The following DYM variants were observed in gnomAD, a reference collection of about 807,000 sequenced individuals.
The protein encoded by DYM is dymeclin.
A neutral mutation model predicts 93.1 loss-of-function variants in DYM; 78 were observed. That is an observed-to-expected ratio of 0.84 (90% CI 0.70 to 1.01). The LOEUF (loss-of-function observed/expected upper bound fraction) is 1.01, where lower values mean the gene tolerates loss of function less well. DYM is among the 50% of genes least tolerant of loss of function. DYM has a pLI of 0.00. For missense variants in DYM, 789 were observed against 845.0 expected (o/e 0.93, Z 0.82); for synonymous variants, 321 against 319.7 (o/e 1.00, Z -0.04).
chr18:49,320,655 T>C (rs1203364097), intron 8 of DYM, among the ~76,000 whole-genome samples: 1 of 151,990 alleles, frequency 6.6e-6, no homozygotes, highest in African/African-American at 2.4e-5. Flanking sequence ...GTATTTTTAG[T>C]AGAGATGGGG....
intron 17 of DYM, among the ~76,000 whole-genome samples, chr18:49,044,830 T>G (rs989787917): frequency 6.6e-6 from 1 of 152,244 alleles, no homozygotes; most frequent in Non-Finnish European, 1.5e-5. Context: ...TCATGGAGTC[T>G]GGGAAAAGGC....
chr18:49,447,406 G>C (rs141611426), intron 1 of DYM: 3,101 of 152,386 alleles, frequency 0.02, 41 homozygotes, highest in Non-Finnish European at 0.03. Context: ...ACAAACCCTA[G>C]GGTATACACC....
chr18:49,242,840 C>T (rs1435001697), intron 13 of DYM, among the ~76,000 whole-genome samples: 1 of 152,170 alleles, frequency 6.6e-6, no homozygotes, highest in Admixed American at 6.5e-5. Flanking sequence ...GCTGGGACTA[C>T]AGGCGCCCGC....
chr18:49,399,110 T>G (rs1390897815), intron 2 of DYM, among the ~76,000 whole-genome samples: 1 of 152,182 alleles, frequency 6.6e-6, no homozygotes, highest in East Asian at 1.9e-4. Flanking sequence ...AGATGCTGCC[T>G]CTGCCTCCAG....
chr18:49,257,159 C>T, intron 12 of DYM, 55 bp from the exon 13 acceptor site: 1 of 1,360,326 alleles, frequency 7.4e-7, no homozygotes, highest in Non-Finnish European at 1.1e-6. Context: ...TATATTTTAA[C>T]CAAGGTTAAC....
intron 15 of DYM, among the ~76,000 whole-genome samples, chr18:49,158,468 G>A (rs1416705879): frequency 1.3e-5 from 2 of 152,166 alleles, no homozygotes; most frequent in Non-Finnish European, 2.9e-5. Context: ...TGTTTTAAGA[G>A]TAACAAATTT....
At chr18:49,258,339 A>C (rs1284931794) in intron 12 of DYM, 41 bp downstream of exon 12, 1 of 1,354,352 alleles carries the variant, frequency 7.4e-7, no homozygotes, top group African/African-American at 1.4e-5. Context: ...TCTTAATTGT[A>C]CTGTATGCAA....
At chr18:49,259,110 T>G (rs2094450244) in intron 11 of DYM, among the ~76,000 whole-genome samples, 1 of 152,136 alleles carries the variant, frequency 6.6e-6, no homozygotes, top group Non-Finnish European at 1.5e-5. Context: ...ATTCTCTACC[T>G]ATGCATGAAA....
chr18:49,183,083 C>CG (rs754727166), intron 14 of DYM, among the ~76,000 whole-genome samples: 11 of 152,002 alleles, frequency 7.2e-5, no homozygotes, highest in Non-Finnish European at 1.3e-4. Flanking sequence ...GGTGATTGCA[C>CG]ATTTTTTTTC....
At chr18:49,172,493 TC>T (rs1426346993) in intron 14 of DYM, among the ~76,000 whole-genome samples, 1 of 152,206 alleles carries the variant, frequency 6.6e-6, no homozygotes, top group African/African-American at 2.4e-5. Flanking sequence ...GAAGTAATTT[TC>T]TTTGTGGTTT....
rs369761328 is a variant in DYM at position 49,286,907 on chromosome 18, T to C, written c.764-291A>G. 1.1e-4 allele frequency among the ~76,000 whole-genome samples: 17 copies of C among 152,256 alleles called. 1 individual carries two copies. Among genetic ancestry groups the C allele is most frequent in the African/African-American group, 3.9e-4 (16 of 41,546 alleles). On this transcript the variant is annotated intron_variant, in intron 8 of 17. Transcript: ENST00000675505. ...AGAAAAATTTGCTAAAAAAAATTAA[T>C]GCAAGCCGGGTGCAGTGGCACACAC...
chr18:49,264,576 G>A (rs566535216), intron 11 of DYM, among the ~76,000 whole-genome samples: 21 of 152,154 alleles, frequency 1.4e-4, no homozygotes, highest in African/African-American at 5.1e-4. Context: ...GCTTTAATTG[G>A]CATGATCCTG....
intron 15 of DYM, among the ~76,000 whole-genome samples, chr18:49,132,420 A>T (rs542188454): frequency 2.0e-5 from 3 of 152,256 alleles, no homozygotes; most frequent in Non-Finnish European, 2.9e-5. Flanking sequence ...AAGATCAAAT[A>T]AAAAATGTGA....
intron 17 of DYM, among the ~76,000 whole-genome samples, chr18:49,050,588 C>T (rs892085134): frequency 6.6e-6 from 1 of 151,936 alleles, no homozygotes; most frequent in Admixed American, 6.6e-5. Context: ...CACGGGGCTG[C>T]GGGGGCTGTG....
At chr18:49,229,073 G>A (rs900311525) in intron 13 of DYM, among the ~76,000 whole-genome samples, 12 of 678 alleles carry the variant, frequency 0.018, no homozygotes, top group South Asian at 0.045. Flanking sequence ...AGTTAAACAC[G>A]AAAACAAGAC....
intron 17 of DYM, among the ~76,000 whole-genome samples, chr18:49,091,077 C>T (rs1243289330): frequency 6.6e-6 from 1 of 152,170 alleles, no homozygotes; most frequent in Non-Finnish European, 1.5e-5. Context: ...GAGAGCTGTT[C>T]TTCAAAGAAT....
chr18:49,236,273 G>T (rs1374624386), intron 13 of DYM, among the ~76,000 whole-genome samples: 1 of 152,134 alleles, frequency 6.6e-6, no homozygotes, highest in South Asian at 2.1e-4. Context: ...CAGATCAGGA[G>T]ATTGAGACCA....
intron 1 of DYM, among the ~76,000 whole-genome samples, chr18:49,432,713 G>A (rs965044413): frequency 6.6e-6 from 1 of 150,984 alleles, no homozygotes; most frequent in Non-Finnish European, 1.5e-5. Flanking sequence ...CTGGGCTCAA[G>A]GGAGCCTCAT....
intron 14 of DYM, among the ~76,000 whole-genome samples, chr18:49,178,994 C>T (rs934999270): frequency 1.1e-4 from 16 of 151,918 alleles, no homozygotes. Context: ...CAGTTAATTC[C>T]CATTACAGCA....
Sources: allele counts gnomAD v4.1 joint callset (sites outside exome capture counted in the v4.1 genomes callset), GRCh38; gene constraint gnomAD v4.1.1; transcripts MANE v1.5; gene names NCBI Gene and HGNC (gene_info 2026-07-23, HGNC 2026-07-21).